MRC1: variants seen among roughly 807,000 people sequenced by gnomAD.
MRC1 encodes the protein mannose receptor C-type 1, also known as macrophage mannose receptor 1.
A neutral mutation model predicts 102.9 loss-of-function variants in MRC1; 62 were observed. That is an observed-to-expected ratio of 0.60 (90% CI 0.49 to 0.74). The LOEUF is 0.74. Ranked by LOEUF, MRC1 falls within the 30% of genes least tolerant of loss-of-function variation. MRC1 has a pLI of 0.00. For missense variants in MRC1, 1,237 were observed against 862.8 expected (o/e 1.43, Z -5.43); for synonymous variants, 457 against 298.4 (o/e 1.53, Z -5.48).
Position 17,840,913 on chromosome 10 carries a change from A to T in MRC1, c.916+107A>T. On this transcript the variant is annotated intron_variant, in intron 5 of 29. Coordinates refer to ENST00000569591, the MANE Select transcript of MRC1 (RefSeq NM_002438.4). ...TGATCTCAAAGAGAAGAATTGGGAG[A>T]CTTCATCAAATACAGTTCATTTCAC... is the stretch of plus-strand genomic sequence containing the variant. The T allele has an allele frequency of 3.0e-5, 23 of 769,156 alleles. No homozygotes were observed. The South Asian group carries it at 3.1e-4, about 10-fold the overall frequency. The allele number at this position is 769,156 out of a possible 1,614,324, so 47.6% of individuals were successfully genotyped here. A position where few individuals can be genotyped will look rare whatever the true frequency, so the allele number is the denominator to read the frequency against.
chr10:17,831,859 A>C (rs977004225), intron 3 of MRC1, among the ~76,000 whole-genome samples: 6 of 151,614 alleles, frequency 4.0e-5, no homozygotes, highest in South Asian at 2.1e-4. Flanking sequence ...ATTTATTTGT[A>C]TATCATTGGC....
chr10:17,872,153 C>T, intron 15 of MRC1, 27 bp downstream of exon 15: 1 of 780,338 alleles, frequency 1.3e-6, no homozygotes. Flanking sequence ...TCTCCTTTAT[C>T]TCAGCTTGGT....
At chr10:17,888,095 C>T (rs1173502513) in intron 22 of MRC1, among the ~76,000 whole-genome samples, 1 of 152,158 alleles carries the variant, frequency 6.6e-6, no homozygotes, top group East Asian at 1.9e-4. Flanking sequence ...TGAGCCACCA[C>T]TCCCAGCAAT....
At chr10:17,903,324 C>T (rs1833853039) in intron 26 of MRC1, among the ~76,000 whole-genome samples, 1 of 148,106 alleles carries the variant, frequency 6.8e-6, no homozygotes, top group African/African-American at 2.5e-5. Flanking sequence ...TTACTGCCTT[C>T]TTGTGTGTTA....
At chr10:17,867,853 G>C (rs1214490002) in intron 12 of MRC1, among the ~76,000 whole-genome samples, 2 of 152,142 alleles carry the variant, frequency 1.3e-5, no homozygotes, top group African/African-American at 2.4e-5. Context: ...TGCCACATAA[G>C]TATTCTAAAG....
intron 23 of MRC1, among the ~76,000 whole-genome samples, chr10:17,895,842 A>G (rs942498080): frequency 2.2e-4 from 34 of 152,366 alleles, no homozygotes; most frequent in African/African-American, 7.0e-4. Context: ...AGTGCACAGC[A>G]GCAGCAGACA....
rs961292579 is a variant in MRC1, at chr10:17,840,048, A to G, written c.803-645A>G. ...GCCACTGAACTCCAGCCTGGGCGACAGTGCAAGACTCCAACTCAAAAAAAA... is the reference window on the plus strand; with the variant it reads ...GCCACTGAACTCCAGCCTGGGCGACGGTGCAAGACTCCAACTCAAAAAAAA... On this transcript the variant is annotated intron_variant, in intron 4 of 29. Transcript: ENST00000569591. Among the ~76,000 whole-genome samples, 353 of 129,296 alleles carry G rather than the reference A, an allele frequency of 2.7e-3. 1 individual carries two copies. Among genetic ancestry groups the G allele is most frequent in the African/African-American group, 1.0e-2 (328 of 32,864 alleles). The allele number at this position is 129,296 out of a possible 152,430, so 84.8% of individuals were successfully genotyped here.
intron 1 of MRC1, among the ~76,000 whole-genome samples, chr10:17,815,146 A>T (rs1435300280): frequency 6.6e-6 from 1 of 152,136 alleles, no homozygotes; most frequent in Non-Finnish European, 1.5e-5. Context: ...ATCTCATTTC[A>T]TTCTCACGAC....
intron 1 of MRC1, among the ~76,000 whole-genome samples, chr10:17,815,772 A>G (rs1421564836): frequency 1.3e-5 from 2 of 152,126 alleles, no homozygotes; most frequent in East Asian, 3.8e-4. Flanking sequence ...GATCAAAGTG[A>G]CAAATGAAGT....
At chr10:17,845,110 T>C (rs782255207) in intron 5 of MRC1, 179 bp from the exon 6 acceptor site, 2 of 778,094 alleles carry the variant, frequency 2.6e-6, no homozygotes, top group Non-Finnish European at 4.8e-6. Context: ...AAGAAAACAA[T>C]AGACACCCAT....
chr10:17,857,231 G>A (rs2130654330), intron 9 of MRC1, among the ~76,000 whole-genome samples: 1 of 152,226 alleles, frequency 6.6e-6, no homozygotes, highest in Non-Finnish European at 1.5e-5. Flanking sequence ...TTTGAATTCT[G>A]GAAACTTCAG....
chr10:17,840,700 C>A lies in MRC1; in HGVS notation c.810C>A (p.Thr270=). ...IHEQTYLTGL[T]SSLTSGLWIG... ...CTTTCTTTAAAAATATAGGATTAAC[C>A]AGTTCCTTGACCTCAGGACTCTGGA... The change falls in exon 5 of 30, where the codon ACC becomes ACA. Residue 270 remains threonine, a synonymous_variant. Transcript: ENST00000569591. 1.3e-6 allele frequency: 1 copy of A among 780,856 alleles called. No individual in the cohort carries two copies. The allele number at this position is 780,856 out of a possible 1,614,324, so 48.4% of individuals were successfully genotyped here. A position where few individuals can be genotyped will look rare whatever the true frequency, so the allele number is the denominator to read the frequency against.
At chr10:17,877,769 C>T (rs1833457193) in intron 17 of MRC1, 131 bp from the exon 18 acceptor site, 5 of 756,012 alleles carry the variant, frequency 6.6e-6, no homozygotes, top group African/African-American at 1.7e-5. Flanking sequence ...ATAGAATGTA[C>T]TACATTTCTG....
chr10:17,907,139 A>G (rs1389825086), intron 27 of MRC1, 140 bp downstream of exon 27: 2 of 672,292 alleles, frequency 3.0e-6, no homozygotes, highest in Admixed American at 2.5e-5. Flanking sequence ...ATTTTTATTT[A>G]AGAACTGAAA....
intron 26 of MRC1, among the ~76,000 whole-genome samples, chr10:17,906,441 T>A (rs1272555041): frequency 6.6e-6 from 1 of 152,112 alleles, no homozygotes; most frequent in African/African-American, 2.4e-5. Flanking sequence ...TTATTTTCTA[T>A]CCTTTTTACT....
chr10:17,870,894 G>A lies in MRC1; in HGVS notation c.2158G>A (p.Gly720Arg), dbSNP rs1833345788. ...HKLFWLGLTY[G>R]SPSEGFTWSD... ...ACTGTTTTGGTTGGGATTGACATATGGAAGCCCTTCAGAAGGTTTTACTTG... is the reference window on the plus strand; with the variant it reads ...ACTGTTTTGGTTGGGATTGACATATAGAAGCCCTTCAGAAGGTTTTACTTG... Residue 720 changes from glycine to arginine, a missense_variant, in exon 14 of 30, where the codon GGA becomes AGA. By Grantham distance (125) the Gly-to-Arg change is moderately radical. Coordinates refer to ENST00000569591, the MANE Select transcript of MRC1 (RefSeq NM_002438.4). 1 of 872,416 alleles carries A rather than the reference G, an allele frequency of 1.1e-6. No homozygotes were observed. Among genetic ancestry groups the A allele is most frequent in the African/African-American group, 1.6e-5 (1 of 61,432 alleles). 54.0% of individuals were successfully genotyped at this position (872,416 alleles called of 1,614,324 possible).
chr10:17,887,602 A>G (rs993070735), intron 22 of MRC1, among the ~76,000 whole-genome samples: 2 of 152,178 alleles, frequency 1.3e-5, no homozygotes, highest in Non-Finnish European at 2.9e-5. Context: ...ATTATTGCAC[A>G]TATTTTTGTT....
At chr10:17,811,999 A>G (rs1554837477) in intron 1 of MRC1, among the ~76,000 whole-genome samples, 2 of 151,630 alleles carry the variant, frequency 1.3e-5, no homozygotes, top group African/African-American at 4.8e-5. Flanking sequence ...AAGCCCCAAC[A>G]CCTCTCCCCT....
At position 17,872,115 on chromosome 10, in the gene MRC1, A is replaced by G. The variant is rs1833362459; in HGVS notation, c.2333A>G (p.Gln778Arg). ...GAACACCTTAACAACTGGATTTGCC[A>G]GATACAAAAAGGTATGATCACCTCT... ...NCEHLNNWICQIQKGQTPKPE... is the reference protein window; with the variant it reads ...NCEHLNNWICRIQKGQTPKPE... Residue 778 changes from glutamine to arginine, a missense_variant, in exon 15 of 30, where the codon CAG (glutamine) becomes CGG (arginine). By Grantham distance (43) the Gln-to-Arg change is conservative. Coordinates refer to ENST00000569591, the MANE Select transcript of MRC1 (RefSeq NM_002438.4). 7.7e-6 allele frequency: 6 copies of G among 780,500 alleles called. No individual in the cohort carries two copies. In the African/African-American group the frequency reaches 1.0e-4, roughly 13 times the overall value. 48.3% of individuals were successfully genotyped at this position (780,500 alleles called of 1,614,324 possible).
Sources: allele counts gnomAD v4.1 joint callset (sites outside exome capture counted in the v4.1 genomes callset), GRCh38; gene constraint gnomAD v4.1.1; transcripts MANE v1.5; gene names NCBI Gene and HGNC (gene_info 2026-07-23, HGNC 2026-07-21).